The following DPP6 variants were observed in gnomAD, a reference collection of about 807,000 sequenced individuals.
DPP6 encodes the protein dipeptidyl peptidase like 6.
In DPP6, 69 loss-of-function variants were observed where a neutral mutation model predicts 122.6. The observed-to-expected ratio is 0.56, with a 90% CI of 0.46 to 0.69. DPP6 has a LOEUF of 0.69. Among genes scored for constraint, DPP6 ranks in the 30% least tolerant of loss-of-function variants. The pLI is 0.00. For synonymous variants in DPP6, 418 were observed against 433.1 expected (o/e 0.97, Z 0.43); for missense variants, 928 against 1,116.9 (o/e 0.83, Z 2.41).
rs115053692 is a variant in DPP6, at chr7:154,251,519, A to G, written c.244-194695A>G. 4.0e-3 allele frequency among the ~76,000 whole-genome samples: 610 copies of G among 152,338 alleles called. 2 individuals carry two copies. The highest frequency in any genetic ancestry group is 0.014 in the African/African-American group (588 of 41,578). On this transcript the variant is annotated intron_variant, in intron 1 of 25. Transcript: ENST00000377770. ...AGTTAATTAAGGAGAACTGACTCACACCATCACAAGATAAAGTCCCACGGT... is the reference window on the plus strand; with the variant it reads ...AGTTAATTAAGGAGAACTGACTCACGCCATCACAAGATAAAGTCCCACGGT...
the DPP6 span, among the ~76,000 whole-genome samples, chr7:153,830,917 C>T: frequency 6.6e-6 from 1 of 152,164 alleles, no homozygotes; most frequent in Non-Finnish European, 1.5e-5. Context: ...GCAAGCTGTT[C>T]TGCATTTATT....
At chr7:154,158,996 GA>G (rs1271311392) in intron 1 of DPP6, among the ~76,000 whole-genome samples, 3 of 152,044 alleles carry the variant, frequency 2.0e-5, no homozygotes, top group African/African-American at 4.8e-5. Context: ...GAGTCTCTGA[GA>G]CCTGAATACC....
At chr7:154,203,919 A>G (rs373564990) in intron 1 of DPP6, among the ~76,000 whole-genome samples, 5 of 152,326 alleles carry the variant, frequency 3.3e-5, no homozygotes, top group South Asian at 4.1e-4. Flanking sequence ...TGAAAATGAC[A>G]TATTATAGAG....
intron 1 of DPP6, among the ~76,000 whole-genome samples, chr7:154,162,972 C>G (rs551947902): frequency 6.6e-5 from 10 of 151,650 alleles, no homozygotes; most frequent in African/African-American, 2.2e-4. Context: ...ACACCAGAAT[C>G]TGTGCATCGC....
intron 1 of DPP6, among the ~76,000 whole-genome samples, chr7:153,941,313 A>G (rs1318100421): frequency 6.6e-6 from 1 of 152,196 alleles, no homozygotes; most frequent in African/African-American, 2.4e-5. Flanking sequence ...GAACAAACTG[A>G]CACAGCCATG....
chr7:154,870,631 C>A (rs1191242410), intron 18 of DPP6, among the ~76,000 whole-genome samples: 36 of 151,664 alleles, frequency 2.4e-4, no homozygotes, highest in Non-Finnish European at 1.5e-5. Flanking sequence ...AACAAACAAA[C>A]AAAAAATGGA....
chr7:154,104,464 G>A (rs1805996109), intron 1 of DPP6, among the ~76,000 whole-genome samples: 1 of 152,234 alleles, frequency 6.6e-6, no homozygotes, highest in Admixed American at 6.5e-5. Context: ...ACGTGCTTTA[G>A]TAAGATGAGA....
At chr7:154,248,289 G>A (rs1214407873) in intron 1 of DPP6, among the ~76,000 whole-genome samples, 4 of 152,152 alleles carry the variant, frequency 2.6e-5, no homozygotes, top group Non-Finnish European at 4.4e-5. Context: ...AAGAAAGAAG[G>A]CTGCGCTTCT....
At chr7:154,640,120 T>C (rs1835974691) in intron 6 of DPP6, among the ~76,000 whole-genome samples, 1 of 152,100 alleles carries the variant, frequency 6.6e-6, no homozygotes, top group African/African-American at 2.4e-5. Flanking sequence ...GGCATGGTGG[T>C]GCACACCTCT....
chr7:154,462,081 A>C (rs1821347867), intron 2 of DPP6, among the ~76,000 whole-genome samples: 1 of 152,098 alleles, frequency 6.6e-6, no homozygotes, highest in South Asian at 2.1e-4. Context: ...CTGCATATGG[A>C]TATCCAGTTT....
At chr7:154,218,696 A>G (rs4489231) in intron 1 of DPP6, among the ~76,000 whole-genome samples, 9,986 of 152,290 alleles carry the variant, frequency 0.066, 639 homozygotes, top group African/African-American at 0.16. Flanking sequence ...ACATGCGGAC[A>G]TATAATTCAT....
At chr7:154,644,577 C>A (rs991467821) in intron 6 of DPP6, among the ~76,000 whole-genome samples, 1 of 152,130 alleles carries the variant, frequency 6.6e-6, no homozygotes, top group African/African-American at 2.4e-5. Context: ...GCTGCACACA[C>A]GGAGATAGGC....
intron 1 of DPP6, among the ~76,000 whole-genome samples, chr7:154,127,597 T>TCACACACACACACACACACACACA (rs71182879): frequency 3.7e-5 from 5 of 136,802 alleles, no homozygotes; most frequent in African/African-American, 1.2e-4. Flanking sequence ...GAGCAGCATC[T>TCACACACACACACACACACACACA]CACACACACA....
At chr7:153,933,897 A>G (rs757544831) in intron 1 of DPP6, among the ~76,000 whole-genome samples, 3 of 152,106 alleles carry the variant, frequency 2.0e-5, no homozygotes, top group African/African-American at 4.8e-5. Context: ...CAGGCCCCCA[A>G]TGTGTTTTTA....
At chr7:153,890,912 GGTCTTGAACCC>G (rs968560769) in intron 1 of DPP6, among the ~76,000 whole-genome samples, 1 of 149,078 alleles carries the variant, frequency 6.7e-6, no homozygotes, top group African/African-American at 2.5e-5. Flanking sequence ...TGGCCAGGCT[GGTCTTGAACCC>G]CTGACCTCAG....
At chr7:154,600,904 C>T (rs1833385307) in intron 5 of DPP6, among the ~76,000 whole-genome samples, 10 of 118,614 alleles carry the variant, frequency 8.4e-5, no homozygotes, top group African/African-American at 1.6e-4. Flanking sequence ...CCAGCCTGAC[C>T]AACATGGAGA....
At chr7:154,473,272 G>A (rs748506848) in intron 2 of DPP6, among the ~76,000 whole-genome samples, 2 of 152,122 alleles carry the variant, frequency 1.3e-5, no homozygotes, top group African/African-American at 4.8e-5. Context: ...CATGTTTGAA[G>A]CCATGTGCCT....
chr7:154,122,652 T>C (rs2150609582), intron 1 of DPP6, among the ~76,000 whole-genome samples: 1 of 152,290 alleles, frequency 6.6e-6, no homozygotes, highest in Admixed American at 6.5e-5. Flanking sequence ...CAGATTATAA[T>C]GTCCAGTATG....
In DPP6 at chr7:154,690,964, G is replaced by A. The variant is rs530285214; in HGVS notation, c.762+21523G>A. Among the ~76,000 whole-genome samples the A allele has an allele frequency of 1.2e-4, 19 of 152,312 alleles. No individual in the cohort carries two copies. The East Asian group carries it at 1.9e-3, about 15-fold the overall frequency. On this transcript the variant is annotated intron_variant, in intron 7 of 25. Coordinates refer to ENST00000377770, the MANE Select transcript of DPP6 (RefSeq NM_130797.4). ...CTTATGAGCACTAAATGCTTAAGCA[G>A]GGCTGGTAAAACATAGAACATTTCT...
Sources: gnomAD v4.1 joint callset for allele counts (sites outside exome capture counted in the v4.1 genomes callset) on GRCh38, gnomAD v4.1.1 for gene constraint, MANE v1.5 for transcripts, NCBI Gene and HGNC (gene_info 2026-07-23, HGNC 2026-07-21) for gene names.